The following BCAR1 variants were observed in gnomAD, a reference collection of about 807,000 sequenced individuals.
BCAR1 encodes the protein BCAR1 scaffold protein, Cas family member.
Under a neutral mutation model 67.6 loss-of-function variants are expected in BCAR1, and 30 were observed. The ratio of observed to expected loss-of-function variants is 0.44; its 90% CI spans 0.33 to 0.60. The LOEUF (loss-of-function observed/expected upper bound fraction) is 0.60, where lower values mean the gene tolerates loss of function less well. BCAR1 is among the 20% of genes least tolerant of loss of function. The pLI is 0.02. For synonymous variants in BCAR1, 626 were observed against 556.7 expected (o/e 1.12, Z -1.75); for missense variants, 1,313 against 1,222.3 (o/e 1.07, Z -1.11).
chr16:75,266,101 G>A, intron 1 of BCAR1: 1 of 951,342 alleles, frequency 1.1e-6, no homozygotes, highest in Non-Finnish European at 1.3e-6. Context: ...TCGGCCCAAC[G>A]CGGCGGGGAG....
At chr16:75,257,003 G>A (rs1395023101) in intron 1 of BCAR1, among the ~76,000 whole-genome samples, 1 of 152,032 alleles carries the variant, frequency 6.6e-6, no homozygotes, top group Non-Finnish European at 1.5e-5. Flanking sequence ...CAGCCCCTCA[G>A]CACTGCCTGG....
intron 6 of BCAR1, 57 bp from the exon 7 acceptor site, chr16:75,230,080 G>A (rs2076845386): frequency 2.0e-6 from 3 of 1,508,432 alleles, no homozygotes; most frequent in African/African-American, 1.4e-5. Context: ...TGGAACTACA[G>A]GCCGAGACCT....
intron 1 of BCAR1, chr16:75,266,879 C>A: frequency 9.8e-7 from 1 of 1,022,564 alleles, no homozygotes. Flanking sequence ...GCTGGTTTGC[C>A]GCAGCCCGGG....
intron 1 of BCAR1, among the ~76,000 whole-genome samples, chr16:75,257,107 T>A (rs1368645886): frequency 6.6e-6 from 1 of 152,098 alleles, no homozygotes; most frequent in East Asian, 1.9e-4. Flanking sequence ...GGAAGCTCCA[T>A]GGCTGGGGGC....
chr16:75,233,868 T>TTGCCCTGCCGCGTGATGC lies in BCAR1; in HGVS notation c.2060_2077dup (p.Ser687_Gly692dup), dbSNP rs766018406. On this transcript the variant is annotated inframe_insertion, in exon 6 of 7. Coordinates refer to ENST00000162330, the MANE Select transcript of BCAR1 (RefSeq NM_014567.5). ...CACCTGCTGCAACTCCAGCTGGCTC[T>TTGCCCTGCCGCGTGATGC]TGCCCTGCCGCGTGATGCTGCCCTT... is the stretch of plus-strand genomic sequence containing the variant. 1.4e-5 allele frequency: 22 copies of TTGCCCTGCCGCGTGATGC among 1,609,184 alleles called. No homozygotes were observed. In the East Asian group the frequency reaches 4.9e-4, roughly 36 times the overall value.
intron 1 of BCAR1, chr16:75,267,834 C>A: frequency 6.8e-7 from 1 of 1,464,066 alleles, no homozygotes; most frequent in Non-Finnish European, 9.3e-7. Flanking sequence ...CTCTTACCGC[C>A]CCAGGGGCTG....
At position 75,242,878 on chromosome 16, in the gene BCAR1, G is replaced by T; in HGVS notation, c.225C>A (p.Gly75=). 1 of 1,610,402 alleles carries T rather than the reference G, an allele frequency of 6.2e-7. No homozygotes were observed. The highest frequency in any genetic ancestry group is 1.1e-5 in the South Asian group (1 of 90,998). ...GMYDKKPAGP[G]PGPPATPAQP... ...GGGCCGGGGTGGCGGGAGGGCCGGG[G>T]CCAGGCCCTGCTGGCTTCTTATCAT... is the stretch of plus-strand genomic sequence containing the variant. Residue 75 remains glycine, a synonymous_variant, in exon 2 of 7, where the codon GGC becomes GGA. Transcript: ENST00000162330.
rs546109061 is a variant in BCAR1, at chr16:75,266,064, A to G, written c.66+1851T>C. On this transcript the variant is annotated intron_variant, in intron 1 of 6. Transcript: ENST00000393422. Reference sequence around the variant, plus strand: ...CGCGGCCAGGGACGCGTTAAAGGTGAGGACCCCGGACCTAGGCCTTTTTCT... The same window carrying G: ...CGCGGCCAGGGACGCGTTAAAGGTGGGGACCCCGGACCTAGGCCTTTTTCT... The G allele has an allele frequency of 2.0e-5, 20 of 1,018,732 alleles. 1 individual carries two copies. In the East Asian group the frequency reaches 1.7e-3, roughly 89 times the overall value. The allele number at this position is 1,018,732 out of a possible 1,614,324, so 63.1% of individuals were successfully genotyped here. A position where few individuals can be genotyped will look rare whatever the true frequency, so the allele number is the denominator to read the frequency against.
intron 4 of BCAR1, 94 bp downstream of exon 4, chr16:75,236,788 C>T (rs1210363668): frequency 6.8e-7 from 1 of 1,477,690 alleles, no homozygotes; most frequent in East Asian, 2.4e-5. Context: ...CCCGCCACCC[C>T]CAGCCCTGCA....
upstream of BCAR1, among the ~76,000 whole-genome samples, chr16:75,256,514 TG>T (rs71380714): frequency 0.28 from 36,777 of 132,236 alleles, 4,962 homozygotes; most frequent in South Asian, 0.51. Context: ...ACAGCACGGA[TG>T]GGGGGGGGTG....
At chr16:75,251,642 C>A (rs1346090255), upstream of BCAR1, 6 of 1,001,900 alleles carry the variant, frequency 6.0e-6, no homozygotes, top group South Asian at 9.1e-5. Flanking sequence ...CTCCGCCTGC[C>A]GCCACGGCCC....
intron 6 of BCAR1, among the ~76,000 whole-genome samples, chr16:75,231,339 T>C (rs1261736228): frequency 2.6e-5 from 4 of 152,250 alleles, no homozygotes; most frequent in African/African-American, 9.6e-5. Flanking sequence ...CCCGCCTCTG[T>C]CTCCCAAAGT....
intron 6 of BCAR1, 110 bp downstream of exon 6, chr16:75,233,736 G>A: frequency 1.7e-6 from 2 of 1,160,578 alleles, no homozygotes; most frequent in East Asian, 5.1e-5. Context: ...TCTGAGCACT[G>A]TCAGACAACA....
rs1429516959 is a variant in BCAR1 at position 75,235,971 on chromosome 16, G to C, written c.928C>G (p.Pro310Ala). ...SNHHAVYDVP[P>A]SVSKDVPDGP... ...TCGGGCACATCCTTGCTCACCGATG[G>C]AGGAACGTCGTAGACCTGGGGGACA... is the stretch of plus-strand genomic sequence containing the variant. Residue 310 changes from proline (P) to alanine (A), a missense_variant, in exon 5 of 7, where the codon CCA becomes GCA. Physicochemically the swap from Pro to Ala is conservative, Grantham distance 27. Coordinates refer to ENST00000162330, the MANE Select transcript of BCAR1 (RefSeq NM_014567.5). 6.4e-7 allele frequency: 1 copy of C among 1,573,102 alleles called. No individual in the cohort carries two copies. Among genetic ancestry groups the C allele is most frequent in the African/African-American group, 1.3e-5 (1 of 74,274 alleles).
intron 1 of BCAR1, chr16:75,264,582 G>C: frequency 7.7e-7 from 1 of 1,304,654 alleles, no homozygotes; most frequent in Admixed American, 3.5e-5. Context: ...AGCACAGTCT[G>C]GAAGCCCTCA....
intron 1 of BCAR1, among the ~76,000 whole-genome samples, chr16:75,258,736 G>C (rs1385577077): frequency 6.6e-6 from 1 of 152,256 alleles, no homozygotes; most frequent in Non-Finnish European, 1.5e-5. Context: ...TCGGCGTGAA[G>C]AGCCAGTGTG....
At chr16:75,234,158 C>T (rs966721486) in intron 5 of BCAR1, among the ~76,000 whole-genome samples, 7 of 45,648 alleles carry the variant, frequency 1.5e-4, no homozygotes, top group African/African-American at 4.5e-4. Flanking sequence ...CAGGGGCAGG[C>T]AGACAGACAC....
chr16:75,266,854 A>G, intron 1 of BCAR1: 3 of 1,200,918 alleles, frequency 2.5e-6, no homozygotes, highest in Non-Finnish European at 2.1e-6. Context: ...GGAAAGACGG[A>G]GCCAGCTCCA....
chr16:75,265,842 C>G, intron 1 of BCAR1: 7 of 1,178,546 alleles, frequency 5.9e-6, no homozygotes, highest in Non-Finnish European at 6.3e-6. Context: ...GACATCTTGG[C>G]CGCCGCCCCC....
Sources: gnomAD v4.1 joint callset for allele counts (sites outside exome capture counted in the v4.1 genomes callset) on GRCh38, gnomAD v4.1.1 for gene constraint, MANE v1.5 for transcripts, NCBI Gene and HGNC (gene_info 2026-07-23, HGNC 2026-07-21) for gene names.